NPC1: variants seen among roughly 807,000 people sequenced by gnomAD.
NPC1 encodes NPC intracellular cholesterol transporter 1, also known as Niemann-Pick C1 protein.
NPC1 carries 85 observed loss-of-function variants against 140.4 expected under a neutral mutation model. The observed-to-expected ratio is 0.61, with a 90% CI of 0.51 to 0.72. The LOEUF is 0.72. Ranked by LOEUF, NPC1 falls within the 30% of genes least tolerant of loss-of-function variation. The probability of loss-of-function intolerance (pLI) is 0.00; values close to 1 mark genes in which losing one functional copy is unlikely to be tolerated. For missense variants in NPC1, 1,504 were observed against 1,623.8 expected, an observed-to-expected ratio of 0.93 and a Z score of 1.27; for synonymous variants, 656 against 624.8, an observed-to-expected ratio of 1.05 and a Z score of -0.74.
At chr18:23,527,347 C>T (rs901987656), downstream of NPC1, among the ~76,000 whole-genome samples, 2 of 152,016 alleles carry the variant, frequency 1.3e-5, no homozygotes, top group Admixed American at 6.6e-5. Flanking sequence ...TGCAGCGAGC[C>T]GTTTGTGTCA....
chr18:23,532,692 TCTC>T (rs1567941476), intron 24 of NPC1, among the ~76,000 whole-genome samples: 4 of 88,984 alleles, frequency 4.5e-5, no homozygotes, highest in Non-Finnish European at 6.2e-5. Context: ...AAAGTGCTCA[TCTC>T]TTTTTTTTTT....
chr18:23,577,615 T>C (rs1323316746), intron 1 of NPC1, among the ~76,000 whole-genome samples: 1 of 152,238 alleles, frequency 6.6e-6, no homozygotes, highest in Non-Finnish European at 1.5e-5. Flanking sequence ...CTGCCAGTCC[T>C]GCGCCGTGCG....
intron 21 of NPC1, among the ~76,000 whole-genome samples, 187 bp downstream of exon 21, chr18:23,536,486 A>G (rs2058632910): frequency 6.6e-6 from 1 of 152,172 alleles, no homozygotes; most frequent in African/African-American, 2.4e-5. Flanking sequence ...AGGCCTTCAC[A>G]GAGACTTTAG....
At position 23,532,045 on chromosome 18, in the gene NPC1, A is replaced by G; in HGVS notation, c.*157T>C. 6.3e-7 allele frequency: 1 copy of G among 1,574,972 alleles called. No homozygotes were observed. Among genetic ancestry groups the G allele is most frequent in the East Asian group, 2.3e-5 (1 of 43,198 alleles). On this transcript the variant is annotated 3_prime_UTR_variant, in exon 25 of 25. Coordinates refer to ENST00000269228, the MANE Select transcript of NPC1 (RefSeq NM_000271.5). Reference sequence around the variant, plus strand: ...ATACTGCTTCCCAAGTCAACTGTGCATTCCTGAGTTCACAGGCGCTACGTT... The same window carrying G: ...ATACTGCTTCCCAAGTCAACTGTGCGTTCCTGAGTTCACAGGCGCTACGTT...
At chr18:23,556,809 C>T in intron 7 of NPC1, 196 bp from the exon 8 acceptor site, 1 of 828,532 alleles carries the variant, frequency 1.2e-6, no homozygotes, top group East Asian at 2.6e-5. Context: ...GAGCGCTATT[C>T]CCACCCCACA....
intron 1 of NPC1, among the ~76,000 whole-genome samples, chr18:23,579,568 A>G (rs2059332503): frequency 6.6e-6 from 1 of 152,130 alleles, no homozygotes; most frequent in Non-Finnish European, 1.5e-5. Flanking sequence ...TCTTTCAACG[A>G]TAGGAACAGT....
At chr18:23,561,608 G>T in intron 4 of NPC1, 81 bp from the exon 5 acceptor site, 1 of 1,412,216 alleles carries the variant, frequency 7.1e-7, no homozygotes, top group Non-Finnish European at 1.0e-6. Flanking sequence ...AAGGCCTCTT[G>T]AAGGGAAACA....
chr18:23,576,930 A>T (rs1185025073), intron 1 of NPC1: 1 of 152,542 alleles, frequency 6.6e-6, no homozygotes, highest in Non-Finnish European at 1.5e-5. Context: ...AGCATGGAAG[A>T]GGACCCGGGC....
Position 23,556,558 on chromosome 18 carries a change from C to A in NPC1, c.1011G>T (p.Arg337=), listed in dbSNP as rs147795644. The A allele has an allele frequency of 2.6e-4, 419 of 1,613,958 alleles. 1 individual carries two copies. The highest frequency in any genetic ancestry group is 3.4e-4 in the Non-Finnish European group (396 of 1,180,006). The change falls in exon 8 of 25, where the codon CGG becomes CGT. Residue 337 remains arginine, a synonymous_variant. Transcript: ENST00000269228. ...VSAAFEGCLR[R]LFTRWGSFCV... is the part of the protein sequence containing the mutation. ...AGAAAGACCCCCAGCGTGTGAACAGCCGCCTCAAGCAGCCCTCAAATGCTG... is the reference window on the plus strand; with the variant it reads ...AGAAAGACCCCCAGCGTGTGAACAGACGCCTCAAGCAGCCCTCAAATGCTG...
chr18:23,556,443 T>G lies in NPC1; in HGVS notation c.1126A>C (p.Asn376His). The G allele has an allele frequency of 6.2e-7, 1 of 1,614,092 alleles. No individual in the cohort carries two copies. The highest frequency in any genetic ancestry group is 8.5e-7 in the Non-Finnish European group (1 of 1,180,000). ...GGGGCTGACCAGAGGTCAACTGGAT[T>G]GGTTGTGACCCGGACAAACACCAGG... Reference protein sequence around the residue: ...SGLVFVRVTTNPVDLWSAPSS... With the variant: ...SGLVFVRVTTHPVDLWSAPSS... The change falls in exon 8 of 25, where the codon AAT becomes CAT. Residue 376 changes from asparagine (N) to histidine (H), a missense_variant. Transcript: ENST00000269228.
At chr18:23,538,425 AGGGT>A in intron 20 of NPC1, 113 bp downstream of exon 20, 1 of 1,254,008 alleles carries the variant, frequency 8.0e-7, no homozygotes, top group Non-Finnish European at 1.2e-6. Context: ...GGACCAGGAC[AGGGT>A]GGGGCGGAGA....
chr18:23,538,972 T>C, intron 19 of NPC1: 2 of 459,366 alleles, frequency 4.4e-6, no homozygotes, highest in South Asian at 4.3e-5. Flanking sequence ...TATGTTTTTA[T>C]TAAGAAAATT....
intron 3 of NPC1, among the ~76,000 whole-genome samples, chr18:23,510,678 A>G (rs2057830701): frequency 6.6e-6 from 1 of 152,224 alleles, no homozygotes; most frequent in African/African-American, 2.4e-5. Context: ...GGACATGAGC[A>G]GACACTTTTT....
chr18:23,573,922 G>C (rs574056269), intron 1 of NPC1, among the ~76,000 whole-genome samples: 1 of 152,248 alleles, frequency 6.6e-6, no homozygotes, highest in Non-Finnish European at 1.5e-5. Flanking sequence ...TTGCACATCT[G>C]CACCAGGAAC....
At chr18:23,547,814 G>A (rs1441661574) in intron 11 of NPC1, among the ~76,000 whole-genome samples, 192 bp downstream of exon 11, 1 of 152,202 alleles carries the variant, frequency 6.6e-6, no homozygotes, top group Admixed American at 6.5e-5. Flanking sequence ...TGGAGGGAGA[G>A]CTGTTTAAAG....
At chr18:23,580,881 G>A in intron 1 of NPC1, among the ~76,000 whole-genome samples, 1 of 152,350 alleles carries the variant, frequency 6.6e-6, no homozygotes, top group East Asian at 1.9e-4. Flanking sequence ...AGGCTGCCGG[G>A]CTGGTCTGAC....
intron 3 of NPC1, among the ~76,000 whole-genome samples, chr18:23,569,377 CAGT>C (rs2059170565): frequency 6.6e-6 from 1 of 152,192 alleles, no homozygotes; most frequent in South Asian, 2.1e-4. Flanking sequence ...AGGCTGAGTG[CAGT>C]GGTGTGATCA....
At chr18:23,566,588 T>TAAA (rs10668198) in intron 4 of NPC1, among the ~76,000 whole-genome samples, 92,965 of 151,564 alleles carry the variant, frequency 0.61, 30,756 homozygotes, top group East Asian at 0.92. Flanking sequence ...TTCCAAAAAA[T>TAAA]AAAATACTTA....
At chr18:23,559,544 A>G (rs1332215281) in intron 6 of NPC1, among the ~76,000 whole-genome samples, 1 of 119,786 alleles carries the variant, frequency 8.3e-6, no homozygotes, top group African/African-American at 3.4e-5. Flanking sequence ...CACTGTCGCC[A>G]GGGCTGTTTG....
Sources: gnomAD v4.1 joint callset for allele counts (sites outside exome capture counted in the v4.1 genomes callset) on GRCh38, gnomAD v4.1.1 for gene constraint, MANE v1.5 for transcripts, NCBI Gene and HGNC (gene_info 2026-07-23, HGNC 2026-07-21) for gene names.